The following ARHGAP5 variants were observed in gnomAD, a reference collection of about 807,000 sequenced individuals.
ARHGAP5 encodes rho GTPase-activating protein 5.
A neutral mutation model predicts 116.6 loss-of-function variants in ARHGAP5; 23 were observed. The observed-to-expected ratio is 0.20, with a 90% confidence interval of 0.14 to 0.28. The LOEUF is 0.28. Ranked by LOEUF, ARHGAP5 falls within the 10% of genes least tolerant of loss-of-function variation. The probability of loss-of-function intolerance (pLI) is 1.00; values close to 1 mark genes in which losing one functional copy is unlikely to be tolerated. For synonymous variants in ARHGAP5, 574 were observed against 602.0 expected, an observed-to-expected ratio of 0.95 and a Z score of 0.68; for missense variants, 1,405 against 1,774.8, an observed-to-expected ratio of 0.79 and a Z score of 3.74.
At chr14:32,099,222 A>C (rs1223965935) in intron 2 of ARHGAP5, among the ~76,000 whole-genome samples, 1 of 152,172 alleles carries the variant, frequency 6.6e-6, no homozygotes, top group Non-Finnish European at 1.5e-5. Flanking sequence ...AAATTTGCCA[A>C]GTTTGGAGTT....
In ARHGAP5 at chr14:32,092,735, A is replaced by T. The variant is rs1322569813; in HGVS notation, c.2066A>T (p.Lys689Ile). 2 of 1,613,704 alleles carry T rather than the reference A, an allele frequency of 1.2e-6. No individual in the cohort carries two copies. The highest frequency in any genetic ancestry group is 2.7e-5 in the African/African-American group (2 of 75,012). Residue 689 changes from lysine (K) to isoleucine (I), a missense_variant, in exon 2 of 7, where the codon AAA becomes ATA. By Grantham distance (102) the Lys-to-Ile change is moderately radical. Transcript: ENST00000345122. The surrounding 1 kb of genome is among the most constrained non-coding windows in gnomAD (Gnocchi z 4.1). ...RTEASQIRKD[K>I]YMANLPFTLI... ...GAAGCTTCTCAGATCAGAAAAGATA[A>T]ATACATGGCTAATCTTCCATTTACA...
chr14:32,080,491 G>A (rs895311676), intron 1 of ARHGAP5, among the ~76,000 whole-genome samples: 4 of 151,294 alleles, frequency 2.6e-5, no homozygotes, highest in African/African-American at 9.7e-5. Context: ...AAACAAAACT[G>A]ATCTGCATTA....
intron 2 of ARHGAP5, among the ~76,000 whole-genome samples, chr14:32,111,930 G>T: frequency 6.7e-6 from 1 of 149,792 alleles, no homozygotes; most frequent in African/African-American, 2.5e-5. Flanking sequence ...TAACCTCCCG[G>T]GTTCAAGTGA....
Position 32,154,604 on chromosome 14 carries a change from T to TC in ARHGAP5, c.4182-15dup. On this transcript the variant is annotated splice_polypyrimidine_tract_variant and intron_variant, in intron 6 of 6. Transcript: ENST00000345122. ...TGAGTTTTGATTTCTAAATGTTTTT[T>TC]CCTTTCATAATTTCAGGGTTAGTCA... 1 of 1,558,214 alleles carries TC rather than the reference T, an allele frequency of 6.4e-7. No individual in the cohort carries two copies. Among genetic ancestry groups the TC allele is most frequent in the East Asian group, 2.3e-5 (1 of 44,332 alleles).
intron 2 of ARHGAP5, among the ~76,000 whole-genome samples, chr14:32,104,915 C>T (rs982644971): frequency 6.6e-6 from 1 of 152,112 alleles, no homozygotes; most frequent in Admixed American, 6.5e-5. Flanking sequence ...AAGCATATGG[C>T]AATGTCTAGA....
chr14:32,087,215 GA>G lies in ARHGAP5; in HGVS notation c.-168-3277del, dbSNP rs954210375. 2.9e-3 allele frequency among the ~76,000 whole-genome samples: 438 copies of G among 148,828 alleles called. 2 individuals are homozygous for G. The highest frequency in any genetic ancestry group is 9.3e-3 in the African/African-American group (379 of 40,698). Reference sequence around the variant, plus strand: ...ATAAATTTTTTTTGTTCTTAGCACTGAAAAAAAAAATTGCTTGGCTAATAGA... The same window carrying G: ...ATAAATTTTTTTTGTTCTTAGCACTGAAAAAAAAATTGCTTGGCTAATAGA... On this transcript the variant is annotated intron_variant, in intron 1 of 6. Coordinates refer to ENST00000345122, the MANE Select transcript of ARHGAP5 (RefSeq NM_001030055.2).
intron 2 of ARHGAP5, among the ~76,000 whole-genome samples, chr14:32,108,922 C>T (rs1040822871): frequency 6.6e-6 from 1 of 152,082 alleles, no homozygotes; most frequent in Non-Finnish European, 1.5e-5. Flanking sequence ...TTTGGGCATA[C>T]TTGACCTGAC....
Position 32,084,713 on chromosome 14 carries a change from C to G in ARHGAP5, c.-168-5789C>G, listed in dbSNP as rs147485258. 3.5e-4 allele frequency among the ~76,000 whole-genome samples: 53 copies of G among 152,292 alleles called. 1 individual carries two copies. The East Asian group carries it at 0.01, about 29-fold the overall frequency. ...TTATATTCTTGTTTCAAGACTAATT[C>G]ATAGGAATAATGACTTTTTAGGGCT... On this transcript the variant is annotated intron_variant, in intron 1 of 6. Coordinates refer to ENST00000345122, the MANE Select transcript of ARHGAP5 (RefSeq NM_001030055.2).
intron 3 of ARHGAP5, among the ~76,000 whole-genome samples, chr14:32,121,013 C>CTTTTTT (rs56377207): frequency 9.5e-5 from 10 of 104,948 alleles, no homozygotes; most frequent in East Asian, 3.0e-4. Flanking sequence ...AGGATTATGT[C>CTTTTTT]TTTTTTTTTT....
chr14:32,101,812 G>A (rs1020297820), intron 2 of ARHGAP5, among the ~76,000 whole-genome samples: 7 of 151,908 alleles, frequency 4.6e-5, no homozygotes, highest in African/African-American at 7.3e-5. Flanking sequence ...GGTGAAACCC[G>A]TCTCTACTGA....
chr14:32,128,407 A>T (rs1880302173), intron 3 of ARHGAP5, among the ~76,000 whole-genome samples: 1 of 152,240 alleles, frequency 6.6e-6, no homozygotes, highest in Non-Finnish European at 1.5e-5. Flanking sequence ...AAACAGGTTC[A>T]TCCTCACACC....
At chr14:32,082,058 T>C (rs1267723519) in intron 1 of ARHGAP5, among the ~76,000 whole-genome samples, 2 of 152,088 alleles carry the variant, frequency 1.3e-5, no homozygotes, top group East Asian at 3.9e-4. Flanking sequence ...CTTGATCCTC[T>C]GAGAATCTAT....
rs1881813548 is a variant in ARHGAP5 at position 32,154,742 on chromosome 14, C to T, written c.4303C>T (p.Gln1435Ter). ...REFLSTTKIH[Q>*]SVVETFIQQC... is the part of the protein sequence containing the mutation. ...GTTTCTGTCTACTACTAAGATTCAT[C>T]AATCTGTTGTTGAAACATTCATTCA... The change falls in exon 7 of 7, where the codon CAA (glutamine) becomes TAA (stop). Residue 1435 changes from glutamine (Q) to a stop codon, truncating the protein, a stop_gained. Transcript: ENST00000345122. LOFTEE classifies it high-confidence loss of function. The T allele has an allele frequency of 6.2e-7, 1 of 1,614,142 alleles. No homozygotes were observed. The highest frequency in any genetic ancestry group is 8.5e-7 in the Non-Finnish European group (1 of 1,179,996).
intron 3 of ARHGAP5, among the ~76,000 whole-genome samples, chr14:32,145,644 G>A (rs115129029): frequency 0.031 from 4,784 of 152,036 alleles, 255 homozygotes; most frequent in African/African-American, 0.11. Context: ...GTCATTAGCC[G>A]GTTTGCCTTC....
intron 6 of ARHGAP5, among the ~76,000 whole-genome samples, chr14:32,153,475 G>GTTT (rs760319450): frequency 2.6e-4 from 25 of 95,574 alleles, no homozygotes; most frequent in Non-Finnish European, 4.7e-4. Context: ...TAGCAGCCAG[G>GTTT]TTTTTTTTTT....
intron 1 of ARHGAP5, among the ~76,000 whole-genome samples, chr14:32,090,279 T>G (rs1312004003): frequency 2.0e-5 from 3 of 152,028 alleles, no homozygotes; most frequent in African/African-American, 4.8e-5. Flanking sequence ...TTTTAAAGTT[T>G]GTGAGACATT....
chr14:32,125,027 A>G (rs372851609), intron 3 of ARHGAP5, among the ~76,000 whole-genome samples: 9 of 152,232 alleles, frequency 5.9e-5, no homozygotes, highest in African/African-American at 2.2e-4. Flanking sequence ...CATAAATAAC[A>G]TAAAACTAAC....
rs1881885523 is a variant in ARHGAP5, at chr14:32,156,155, G to A, written c.*1207G>A. 6.6e-6 allele frequency: 1 copy of A among 152,370 alleles called. No individual in the cohort carries two copies. The highest frequency in any genetic ancestry group is 6.6e-5 in the Admixed American group (1 of 15,242). 9.4% of individuals were successfully genotyped at this position (152,370 alleles called of 1,614,324 possible). ...TGTTGGTACCAGAATTACTATAAGT[G>A]ACTGCTGCTTTTGGGGGTAAACATT... On this transcript the variant is annotated 3_prime_UTR_variant, in exon 7 of 7. Transcript: ENST00000345122.
intron 1 of ARHGAP5, among the ~76,000 whole-genome samples, chr14:32,079,664 A>G (rs891382304): frequency 1.3e-5 from 2 of 152,214 alleles, no homozygotes. Context: ...GTTAGGTCTC[A>G]TAAAGACTTT....
Sources: gnomAD v4.1 joint callset for allele counts (sites outside exome capture counted in the v4.1 genomes callset) on GRCh38, gnomAD v4.1.1 for gene constraint, Gnocchi (gnomAD v3.1) non-coding constraint, MANE v1.5 for transcripts, NCBI Gene and HGNC (gene_info 2026-07-23, HGNC 2026-07-21) for gene names.